Variants in HEATR5A observed in about 807,000 individuals in gnomAD.
HEATR5A encodes HEAT repeat-containing protein 5A.
Under a neutral mutation model 218.8 loss-of-function variants are expected in HEATR5A, and 178 were observed. The ratio of observed to expected loss-of-function variants is 0.81; its 90% CI spans 0.72 to 0.92. The LOEUF (loss-of-function observed/expected upper bound fraction) is 0.92, where lower values mean the gene tolerates loss of function less well. Ranked by LOEUF, HEATR5A falls within the 40% of genes least tolerant of loss-of-function variation. The pLI is 0.00. For synonymous variants in HEATR5A, 864 were observed against 871.6 expected, an observed-to-expected ratio of 0.99 and a Z score of 0.15; for missense variants, 2,420 against 2,418.9, an observed-to-expected ratio of 1.00 and a Z score of -0.01.
intron 33 of HEATR5A, among the ~76,000 whole-genome samples, chr14:31,299,071 G>C (rs1393742826): frequency 6.6e-6 from 1 of 152,038 alleles, no homozygotes; most frequent in East Asian, 1.9e-4. Context: ...TCCTCTTCTT[G>C]CTCCAGAAAC....
chr14:31,335,682 C>T (rs942326828), intron 22 of HEATR5A, among the ~76,000 whole-genome samples: 3 of 152,144 alleles, frequency 2.0e-5, no homozygotes, highest in Admixed American at 6.5e-5. Flanking sequence ...GACACAGATT[C>T]TCGCTCTGGT....
chr14:31,419,257 T>C (rs1304916635), intron 1 of HEATR5A, among the ~76,000 whole-genome samples: 2 of 152,016 alleles, frequency 1.3e-5, no homozygotes, highest in African/African-American at 2.4e-5. Flanking sequence ...TCTTATATTA[T>C]AAATCCTGCC....
At chr14:31,314,720 T>C (rs1899862243) in intron 27 of HEATR5A, among the ~76,000 whole-genome samples, 1 of 152,144 alleles carries the variant, frequency 6.6e-6, no homozygotes, top group Admixed American at 6.6e-5. Context: ...TTATTGAATC[T>C]AGGCACAACT....
rs1899069913 is a variant in HEATR5A, at chr14:31,293,026, A to ATTGT, written c.*275_*278dup. On this transcript the variant is annotated 3_prime_UTR_variant, in exon 36 of 36. Transcript: ENST00000543095. ...ATTCATTTCATTTTTAAAGCAGTGGATTGTTTAGTAAGTTTAGTTCTTTAG... is the reference window on the plus strand; with the variant it reads ...ATTCATTTCATTTTTAAAGCAGTGGATTGTTTGTTTAGTAAGTTTAGTTCTTTAG... The ATTGT allele has an allele frequency of 3.1e-6, 1 of 324,154 alleles. No homozygotes were observed. The highest frequency in any genetic ancestry group is 6.4e-5 in the South Asian group (1 of 15,710). The allele number at this position is 324,154 out of a possible 1,614,324, so 20.1% of individuals were successfully genotyped here. A position where few individuals can be genotyped will look rare whatever the true frequency, so the allele number is the denominator to read the frequency against.
intron 22 of HEATR5A, among the ~76,000 whole-genome samples, chr14:31,335,598 G>A (rs950766723): frequency 2.0e-5 from 3 of 152,124 alleles, no homozygotes; most frequent in Non-Finnish European, 4.4e-5. Context: ...GAAAAGCTCC[G>A]TGAAGTCTAT....
chr14:31,321,252 A>G (rs1900094183), intron 25 of HEATR5A, among the ~76,000 whole-genome samples: 1 of 151,780 alleles, frequency 6.6e-6, no homozygotes, highest in South Asian at 2.1e-4. Flanking sequence ...TCCGTCTCCC[A>G]GGCTCAAGTG....
chr14:31,409,860 T>C (rs2031213924), intron 1 of HEATR5A, among the ~76,000 whole-genome samples: 1 of 152,222 alleles, frequency 6.6e-6, no homozygotes, highest in Non-Finnish European at 1.5e-5. Flanking sequence ...TAATATAATT[T>C]TCTCTCTCTA....
rs563536424 is a variant in HEATR5A, at chr14:31,393,641, T to C, written c.772+411A>G. 3.7e-5 allele frequency among the ~76,000 whole-genome samples: 5 copies of C among 136,632 alleles called. No homozygotes were observed. In the East Asian group the frequency reaches 1.1e-3, roughly 30 times the overall value. The allele number at this position is 136,632 out of a possible 152,430, so 89.6% of individuals were successfully genotyped here. ...TGAAATCTCAGGACCTACAGCAATG[T>C]TTATGAATTGAAATTGATTTTTTTT... On this transcript the variant is annotated intron_variant, in intron 6 of 35. Transcript: ENST00000543095.
chr14:31,416,774 T>A (rs1218202085), intron 1 of HEATR5A, among the ~76,000 whole-genome samples: 1 of 152,216 alleles, frequency 6.6e-6, no homozygotes, highest in Non-Finnish European at 1.5e-5. Context: ...TCTGACCTTA[T>A]GACCAACTAG....
At chr14:31,328,513 G>A (rs1015127733) in intron 22 of HEATR5A, among the ~76,000 whole-genome samples, 4 of 152,090 alleles carry the variant, frequency 2.6e-5, no homozygotes, top group Non-Finnish European at 5.9e-5. Context: ...GATCATGTAT[G>A]GGTATGTCCT....
In HEATR5A at chr14:31,308,882, A is replaced by AAT. The variant is rs1442065182; in HGVS notation, c.4690+51_4690+52insAT. 6.0e-6 allele frequency: 9 copies of AAT among 1,508,706 alleles called. No individual in the cohort carries two copies. The African/African-American group carries it at 9.9e-5, about 17-fold the overall frequency. The allele number at this position is 1,508,706 out of a possible 1,614,324, so 93.5% of individuals were successfully genotyped here. A position where few individuals can be genotyped will look rare whatever the true frequency, so the allele number is the denominator to read the frequency against. ...AGAGCAAAACTCCATCTCAAAAAAA[A>AAT]AAAAACAAAAAACCCCTAAGGTTGT... On this transcript the variant is annotated intron_variant, in intron 29 of 35. Coordinates refer to ENST00000543095, the MANE Select transcript of HEATR5A (RefSeq NM_015473.4).
At chr14:31,379,904 G>A (rs1012753415) in intron 11 of HEATR5A, among the ~76,000 whole-genome samples, 1 of 152,168 alleles carries the variant, frequency 6.6e-6, no homozygotes, top group Admixed American at 6.5e-5. Context: ...GCTGCAGTGA[G>A]CCATGATCAT....
At chr14:31,309,333 C>A (rs1899660414) in intron 28 of HEATR5A, among the ~76,000 whole-genome samples, 151 bp from the exon 29 acceptor site, 1 of 152,168 alleles carries the variant, frequency 6.6e-6, no homozygotes, top group South Asian at 2.1e-4. Flanking sequence ...CAACTACTTT[C>A]TAGTTTTTAT....
intron 22 of HEATR5A, among the ~76,000 whole-genome samples, chr14:31,332,523 G>A (rs1474334770): frequency 1.3e-5 from 2 of 152,164 alleles, no homozygotes; most frequent in Non-Finnish European, 2.9e-5. Flanking sequence ...AGTGAGAAAG[G>A]CATGTCAAAA....
intron 12 of HEATR5A, among the ~76,000 whole-genome samples, chr14:31,374,372 G>C (rs1470519805): frequency 6.6e-6 from 1 of 151,612 alleles, no homozygotes; most frequent in Admixed American, 6.6e-5. Flanking sequence ...TCAACAGTAG[G>C]ATATTAGATA....
At chr14:31,336,718 C>T (rs1900683279) in intron 22 of HEATR5A, among the ~76,000 whole-genome samples, 1 of 152,080 alleles carries the variant, frequency 6.6e-6, no homozygotes, top group African/African-American at 2.4e-5. Flanking sequence ...CAAACAGAGG[C>T]AGGTGTGATA....
intron 33 of HEATR5A, among the ~76,000 whole-genome samples, chr14:31,301,973 T>G (rs975331771): frequency 1.4e-4 from 21 of 151,552 alleles, no homozygotes; most frequent in Non-Finnish European, 3.1e-4. Flanking sequence ...GCTGGGATTA[T>G]AGGTATGTGC....
chr14:31,299,582 G>T (rs1899299066), intron 33 of HEATR5A, among the ~76,000 whole-genome samples: 1 of 151,554 alleles, frequency 6.6e-6, no homozygotes, highest in Non-Finnish European at 1.5e-5. Context: ...AATTAGCCAG[G>T]CGTGGTGGCA....
At chr14:31,322,953 TG>T (rs200557972) in intron 24 of HEATR5A, among the ~76,000 whole-genome samples, 3,343 of 150,778 alleles carry the variant, frequency 0.022, 91 homozygotes, top group African/African-American at 0.071. Flanking sequence ...CAGTAAGAGG[TG>T]GTCAAAATGG....
Sources: gnomAD v4.1 joint callset for allele counts (sites outside exome capture counted in the v4.1 genomes callset) on GRCh38, gnomAD v4.1.1 for gene constraint, MANE v1.5 for transcripts, NCBI Gene and HGNC (gene_info 2026-07-23, HGNC 2026-07-21) for gene names.